The following SEZ6L2 variants were observed in gnomAD, a reference collection of about 807,000 sequenced individuals.
SEZ6L2 encodes the protein seizure 6-like protein 2.
A neutral mutation model predicts 97.0 loss-of-function variants in SEZ6L2; 44 were observed. The observed-to-expected ratio is 0.45, with a 90% confidence interval of 0.36 to 0.58. The LOEUF (loss-of-function observed/expected upper bound fraction) is 0.58, where lower values mean the gene tolerates loss of function less well. Ranked by LOEUF, SEZ6L2 falls within the 20% of genes least tolerant of loss-of-function variation. SEZ6L2 has a pLI of 0.00. For synonymous variants in SEZ6L2, 543 were observed against 546.1 expected (o/e 0.99, Z 0.08); for missense variants, 1,086 against 1,233.3 (o/e 0.88, Z 1.79).
intron 10 of SEZ6L2, 33 bp from the exon 11 acceptor site, chr16:29,877,500 G>T: frequency 6.5e-7 from 1 of 1,538,908 alleles, no homozygotes; most frequent in South Asian, 1.2e-5. Flanking sequence ...ATGGGGCGGG[G>T]CTGCGACTGG....
Position 29,888,706 on chromosome 16 carries a change from G to A in SEZ6L2, c.873C>T (p.Gly291=), listed in dbSNP as rs769442559. 6 of 1,613,018 alleles carry A rather than the reference G, an allele frequency of 3.7e-6. No individual in the cohort carries two copies. The Admixed American group carries it at 6.7e-5, about 18-fold the overall frequency. ...CCCCATGGGCCGGCCGGGGAGGGAA[G>A]CCACAGCTCAGGAGGTAGGCTGCAC... ...IHYQAYLLSC[G]FPPRPAHGDV... Residue 291 remains glycine (G), a synonymous_variant, in exon 6 of 18, where the codon GGC becomes GGT. Coordinates refer to ENST00000617533, the MANE Select transcript of SEZ6L2 (RefSeq NM_001243332.2).
rs1367975184 is a variant in SEZ6L2, at chr16:29,896,931, T to C, written c.402A>G (p.Pro134=). The part of the protein sequence containing the change: ...TPPPGTTAPP[P]PSPASPGPPL... ...GAGGCCCTGGGGAGGCAGGGCTGGG[T>C]GGGGGTGGGGCTGTGGTTCCTGGGG... is the stretch of plus-strand genomic sequence containing the variant. Residue 134 remains proline, a synonymous_variant, in exon 3 of 18, where the codon CCA becomes CCG. Transcript: ENST00000617533. 7.3e-6 allele frequency: 10 copies of C among 1,367,394 alleles called. No homozygotes were observed. Among genetic ancestry groups the C allele is most frequent in the Non-Finnish European group, 1.0e-5 (10 of 966,554 alleles). The allele number at this position is 1,367,394 out of a possible 1,614,324, so 84.7% of individuals were successfully genotyped here. A position where few individuals can be genotyped will look rare whatever the true frequency, so the allele number is the denominator to read the frequency against.
Position 29,895,405 on chromosome 16 carries a change from C to G in SEZ6L2, c.707G>C (p.Gly236Ala). ...EEELLVLAGG[G>A]SPGLAPRLLA... ...GAGTCGGGGGGCCAGGCCTGGGGAT[C>G]CCCCACCAGCCAGCACCAGGAGCTC... Residue 236 changes from glycine to alanine, a missense_variant, in exon 5 of 18, where the codon GGA (glycine) becomes GCA (alanine). Physicochemically the swap from Gly to Ala is moderately conservative, Grantham distance 60. Around this residue, in one of 2 missense-constraint regions of SEZ6L2, gnomAD observed 776 missense variants for 794.7 expected, o/e 0.98. Coordinates refer to ENST00000617533, the MANE Select transcript of SEZ6L2 (RefSeq NM_001243332.2). 3 of 1,614,068 alleles carry G rather than the reference C, an allele frequency of 1.9e-6. No homozygotes were observed. Among genetic ancestry groups the G allele is most frequent in the Non-Finnish European group, 2.5e-6 (3 of 1,180,002 alleles).
At chr16:29,891,511 C>T (rs1399121943) in intron 5 of SEZ6L2, among the ~76,000 whole-genome samples, 1 of 152,072 alleles carries the variant, frequency 6.6e-6, no homozygotes, top group Non-Finnish European at 1.5e-5. Flanking sequence ...CATGGTGGCA[C>T]ACGCCTATAA....
Position 29,871,609 on chromosome 16 carries a change from G to T in SEZ6L2, c.*90C>A. ...ATTTACACAGCCAGGGAGGAGGGCA[G>T]CCAGGAGGCAGAGACCGGGTCCCGT... On this transcript the variant is annotated 3_prime_UTR_variant, in exon 18 of 18. Transcript: ENST00000617533. 7.4e-7 allele frequency: 1 copy of T among 1,342,986 alleles called. No homozygotes were observed. The highest frequency in any genetic ancestry group is 1.0e-6 in the Non-Finnish European group (1 of 954,894). 83.2% of individuals were successfully genotyped at this position (1,342,986 alleles called of 1,614,324 possible).
In SEZ6L2 at chr16:29,873,123, A is replaced by G; in HGVS notation, c.2488+117T>C. On this transcript the variant is annotated intron_variant, in intron 14 of 17. Coordinates refer to ENST00000617533, the MANE Select transcript of SEZ6L2 (RefSeq NM_001243332.2). This position sits in a 1 kb window ranked among gnomAD's most constrained non-coding sequence, Gnocchi z 4.3. ...ACCCGTGAGGACACGAGGCCACAGGAGGAGAACCGGGAGCTCTGTGGGGTC... is the reference window on the plus strand; with the variant it reads ...ACCCGTGAGGACACGAGGCCACAGGGGGAGAACCGGGAGCTCTGTGGGGTC... 1.7e-6 allele frequency: 2 copies of G among 1,176,680 alleles called. No homozygotes were observed. Among genetic ancestry groups the G allele is most frequent in the Non-Finnish European group, 2.4e-6 (2 of 838,466 alleles). 72.9% of individuals were successfully genotyped at this position (1,176,680 alleles called of 1,614,324 possible). A position where few individuals can be genotyped will look rare whatever the true frequency, so the allele number is the denominator to read the frequency against.
rs2067994558 is a variant in SEZ6L2, at chr16:29,879,927, T to C, written c.1510A>G (p.Asn504Asp). Reference sequence around the variant, plus strand: ...GTGGGATCCACACATTCGATGGCATTGGGGGGCCCAGGGGGCTCCAGGGCA... The same window carrying C: ...GTGGGATCCACACATTCGATGGCATCGGGGGGCCCAGGGGGCTCCAGGGCA... Reference protein sequence around the residue: ...GYALEPPGPPNAIECVDPTEP... With the variant: ...GYALEPPGPPDAIECVDPTEP... Residue 504 changes from asparagine (N) to aspartate (D), a missense_variant, in exon 9 of 18, where the codon AAT (asparagine) becomes GAT (aspartate). Around this residue, in one of 2 missense-constraint regions of SEZ6L2, gnomAD observed 776 missense variants for 794.7 expected, o/e 0.98. Coordinates refer to ENST00000617533, the MANE Select transcript of SEZ6L2 (RefSeq NM_001243332.2). The C allele has an allele frequency of 2.5e-6, 4 of 1,613,806 alleles. No individual in the cohort carries two copies. The highest frequency in any genetic ancestry group is 1.3e-5 in the African/African-American group (1 of 74,882).
chr16:29,896,901 A>G lies in SEZ6L2; in HGVS notation c.432T>C (p.Leu144=). 1 of 1,611,494 alleles carries G rather than the reference A, an allele frequency of 6.2e-7. No homozygotes were observed. ...TCTCCTCCTCTCCTCCCTCAGGCCC[A>G]AGGGGAGGCCCTGGGGAGGCAGGGC... The part of the protein sequence containing the change: ...PPSPASPGPP[L]GPEGGEEETT... The change falls in exon 3 of 18, where the codon CTT becomes CTC. Residue 144 remains leucine (L), a synonymous_variant. Transcript: ENST00000617533.
Position 29,875,645 on chromosome 16 carries a change from T to TTTTC in SEZ6L2, c.2104+1107_2104+1110dup, listed in dbSNP as rs1250699640. On this transcript the variant is annotated intron_variant, in intron 12 of 17. Transcript: ENST00000617533. ...ATTCCTTTCTGCTCTTCAATTTTCTTTTTCTTTCTTTCTTTCTTTCTTTTT... is the reference window on the plus strand; with the variant it reads ...ATTCCTTTCTGCTCTTCAATTTTCTTTTTCTTTCTTTCTTTCTTTCTTTCTTTTT... Among the ~76,000 whole-genome samples, 23 of 134,650 alleles carry TTTTC rather than the reference T, an allele frequency of 1.7e-4. 1 individual carries two copies. The highest frequency in any genetic ancestry group is 1.3e-3 in the South Asian group (6 of 4,586). The allele number at this position is 134,650 out of a possible 152,430, so 88.3% of individuals were successfully genotyped here.
At chr16:29,889,218 G>C (rs972449270) in intron 5 of SEZ6L2, among the ~76,000 whole-genome samples, 1 of 152,094 alleles carries the variant, frequency 6.6e-6, no homozygotes, top group Non-Finnish European at 1.5e-5. Flanking sequence ...CGAGGCAGGT[G>C]GATCACGAAG....
chr16:29,899,330 G>A lies in SEZ6L2; in HGVS notation c.-311C>T. On this transcript the variant is annotated 5_prime_UTR_variant, in exon 1 of 18. Coordinates refer to ENST00000617533, the MANE Select transcript of SEZ6L2 (RefSeq NM_001243332.2). ...GGGCCGAAGGGGCCGGGTGGCCTGG[G>A]TTACCCTCCTGCTCAGGCGCCTGGG... 1 of 377,100 alleles carries A rather than the reference G, an allele frequency of 2.7e-6. No individual in the cohort carries two copies. Among genetic ancestry groups the A allele is most frequent in the Non-Finnish European group, 4.8e-6 (1 of 208,510 alleles). The allele number at this position is 377,100 out of a possible 1,614,324, so 23.4% of individuals were successfully genotyped here.
intron 7 of SEZ6L2, among the ~76,000 whole-genome samples, chr16:29,887,230 A>G (rs1455855833): frequency 6.7e-6 from 1 of 149,188 alleles, no homozygotes; most frequent in Non-Finnish European, 1.5e-5. Context: ...GCTGTGATGC[A>G]TATCTCAACC....
At chr16:29,896,786 G>A (rs927593390) in intron 3 of SEZ6L2, 36 bp downstream of exon 3, 19 of 1,594,606 alleles carry the variant, frequency 1.2e-5, no homozygotes, top group African/African-American at 4.0e-5. Context: ...GTACCTCTCC[G>A]GTCCTCCCAC....
intron 6 of SEZ6L2, 82 bp downstream of exon 6, chr16:29,888,458 G>A: frequency 2.8e-6 from 4 of 1,450,144 alleles, no homozygotes; most frequent in Non-Finnish European, 3.8e-6. Flanking sequence ...CCCAAAGGTG[G>A]ACACCTGGAC....
At chr16:29,895,601 T>C in intron 4 of SEZ6L2, 120 bp downstream of exon 4, 1 of 1,428,390 alleles carries the variant, frequency 7.0e-7, no homozygotes, top group Non-Finnish European at 9.5e-7. Flanking sequence ...TCTAGAAGAG[T>C]TTTTGAGGTC....
chr16:29,885,792 C>T lies in SEZ6L2; in HGVS notation c.1209-43G>A, dbSNP rs777186141. The T allele has an allele frequency of 2.5e-6, 4 of 1,575,038 alleles. No homozygotes were observed. The Admixed American group carries it at 5.2e-5, about 21-fold the overall frequency. ...GTGACCAGGAGCTCAATCTCCCTCA[C>T]AAGCTGCCTCACCCCTTGCCTGCTT... On this transcript the variant is annotated intron_variant, in intron 7 of 17. Coordinates refer to ENST00000617533, the MANE Select transcript of SEZ6L2 (RefSeq NM_001243332.2).
chr16:29,888,794 C>T, intron 5 of SEZ6L2, 69 bp from the exon 6 acceptor site: 1 of 1,386,242 alleles, frequency 7.2e-7, no homozygotes, highest in South Asian at 1.4e-5. Flanking sequence ...GATCCCCCAG[C>T]ACTTCCCCCC....
At chr16:29,896,014 G>C (rs1323537617) in intron 3 of SEZ6L2, among the ~76,000 whole-genome samples, 154 bp from the exon 4 acceptor site, 1 of 152,146 alleles carries the variant, frequency 6.6e-6, no homozygotes, top group Admixed American at 6.6e-5. Flanking sequence ...CCAGGCTGGA[G>C]TGCAGTGGTG....
At position 29,871,539 on chromosome 16, in the gene SEZ6L2, A is replaced by G. The variant is rs2067779972; in HGVS notation, c.*160T>C. 1 of 733,474 alleles carries G rather than the reference A, an allele frequency of 1.4e-6. No individual in the cohort carries two copies. The allele number at this position is 733,474 out of a possible 1,614,324, so 45.4% of individuals were successfully genotyped here. On this transcript the variant is annotated 3_prime_UTR_variant, in exon 18 of 18. Transcript: ENST00000617533. ...GGCAGGATGCTGGTTTATTTACTGT[A>G]GGATCTCCAGGGCCATCAAAGCCCC...
Sources: allele counts gnomAD v4.1 joint callset (sites outside exome capture counted in the v4.1 genomes callset), GRCh38; gene constraint gnomAD v4.1.1; regional missense constraint gnomAD v4.1.1; non-coding constraint Gnocchi (gnomAD v3.1); transcripts MANE v1.5; gene names NCBI Gene and HGNC (gene_info 2026-07-23, HGNC 2026-07-21).